DOCK3: variants seen among roughly 807,000 people sequenced by gnomAD.
DOCK3 encodes dedicator of cytokinesis 3, also known as dedicator of cytokinesis protein 3.
In DOCK3, 60 loss-of-function variants were observed where a neutral mutation model predicts 265.6. That is an observed-to-expected ratio of 0.23 (90% confidence interval 0.18 to 0.28). The LOEUF (loss-of-function observed/expected upper bound fraction) is 0.28, where lower values mean the gene tolerates loss of function less well. DOCK3 is among the 10% of genes least tolerant of loss of function. The pLI, the probability that DOCK3 is intolerant of heterozygous loss-of-function variation, is 1.00. For missense variants in DOCK3, 1,981 were observed against 2,594.3 expected (o/e 0.76, Z 5.14); for synonymous variants, 881 against 938.0 (o/e 0.94, Z 1.11).
intron 22 of DOCK3, among the ~76,000 whole-genome samples, chr3:51,256,032 C>T (rs927096767): frequency 2.0e-5 from 3 of 152,158 alleles, no homozygotes; most frequent in Non-Finnish European, 4.4e-5. Context: ...ATGATGGTGA[C>T]ATACAGATGG....
At chr3:50,991,301 C>T (rs559191906) in intron 5 of DOCK3, among the ~76,000 whole-genome samples, 1 of 152,240 alleles carries the variant, frequency 6.6e-6, no homozygotes, top group East Asian at 1.9e-4. Flanking sequence ...GGCAGAGTGG[C>T]AAGCTGGATA....
At chr3:51,355,377 G>C (rs1239772478) in intron 41 of DOCK3, among the ~76,000 whole-genome samples, 1 of 152,120 alleles carries the variant, frequency 6.6e-6, no homozygotes, top group African/African-American at 2.4e-5. Context: ...GTCCTATCAG[G>C]GCTCTTGTCA....
chr3:51,349,746 C>A (rs1475190216), intron 39 of DOCK3, among the ~76,000 whole-genome samples: 2 of 152,198 alleles, frequency 1.3e-5, no homozygotes, highest in Non-Finnish European at 2.9e-5. Context: ...TTTAAAATAT[C>A]TTAACTTGGA....
At chr3:50,915,391 G>T (rs2050064431) in intron 4 of DOCK3, among the ~76,000 whole-genome samples, 1 of 152,048 alleles carries the variant, frequency 6.6e-6, no homozygotes, top group Admixed American at 6.5e-5. Flanking sequence ...CCTGGAGGGT[G>T]CAGGGAACAG....
At chr3:50,758,691 GC>G (rs2040346022) in intron 1 of DOCK3, among the ~76,000 whole-genome samples, 1 of 151,984 alleles carries the variant, frequency 6.6e-6, no homozygotes, top group South Asian at 2.1e-4. Flanking sequence ...CACTTTCCCA[GC>G]CCCCGGCAAC....
At chr3:50,998,692 G>C (rs2078367105) in intron 5 of DOCK3, among the ~76,000 whole-genome samples, 1 of 152,072 alleles carries the variant, frequency 6.6e-6, no homozygotes, top group Admixed American at 6.5e-5. Flanking sequence ...AATTTCCATG[G>C]AAAATGTCCA....
intron 3 of DOCK3, among the ~76,000 whole-genome samples, chr3:50,874,146 T>A (rs1240009813): frequency 6.6e-6 from 1 of 151,288 alleles, no homozygotes; most frequent in Non-Finnish European, 1.5e-5. Flanking sequence ...TTGCTCCATC[T>A]TTTTCTCCTG....
intron 4 of DOCK3, among the ~76,000 whole-genome samples, chr3:50,919,548 CTCTG>C (rs1175202965): frequency 2.0e-5 from 3 of 151,884 alleles, no homozygotes; most frequent in Non-Finnish European, 2.9e-5. Flanking sequence ...TGATTTGGCT[CTCTG>C]TCTGTTACTG....
chr3:51,316,051 T>G (rs2083345394), intron 32 of DOCK3, among the ~76,000 whole-genome samples: 1 of 152,248 alleles, frequency 6.6e-6, no homozygotes, highest in African/African-American at 2.4e-5. Flanking sequence ...GATTTACAGT[T>G]CTATGTGTTT....
chr3:51,281,226 T>G (rs2081092066), intron 27 of DOCK3, among the ~76,000 whole-genome samples: 1 of 149,676 alleles, frequency 6.7e-6, no homozygotes, highest in Non-Finnish European at 1.5e-5. Context: ...AGAATTGTCT[T>G]GGGCCACACA....
chr3:50,942,715 T>C (rs1575583848), intron 5 of DOCK3, among the ~76,000 whole-genome samples: 1 of 151,510 alleles, frequency 6.6e-6, no homozygotes, highest in South Asian at 2.1e-4. Context: ...TTACTGTGAA[T>C]GTGAATATTA....
chr3:51,072,711 A>G (rs868559471), intron 6 of DOCK3, among the ~76,000 whole-genome samples: 27 of 151,850 alleles, frequency 1.8e-4, no homozygotes, highest in South Asian at 2.1e-4. Flanking sequence ...CTCAGCTGAA[A>G]ACATTTTTGT....
intron 1 of DOCK3, among the ~76,000 whole-genome samples, chr3:50,751,521 A>G (rs1011491666): frequency 3.3e-5 from 5 of 152,200 alleles, no homozygotes; most frequent in African/African-American, 9.7e-5. Context: ...TTGTTGTGCA[A>G]TGAATGCATA....
intron 5 of DOCK3, among the ~76,000 whole-genome samples, chr3:51,054,121 TAAAAA>T (rs35733959): frequency 1.2e-5 from 1 of 85,010 alleles, no homozygotes; most frequent in Non-Finnish European, 2.3e-5. Flanking sequence ...CGTAGCTTCC[TAAAAA>T]AAAAAAAAAA....
intron 9 of DOCK3, among the ~76,000 whole-genome samples, chr3:51,127,425 T>G (rs2084318059): frequency 6.6e-6 from 1 of 152,164 alleles, no homozygotes; most frequent in African/African-American, 2.4e-5. Flanking sequence ...AAGACAATAA[T>G]AAGGTCATAA....
At chr3:51,192,531 G>A (rs1286771003) in intron 12 of DOCK3, among the ~76,000 whole-genome samples, 3 of 151,974 alleles carry the variant, frequency 2.0e-5, no homozygotes, top group Non-Finnish European at 2.9e-5. Context: ...AAAAAAGTAG[G>A]AGCAGCAGAG....
intron 27 of DOCK3, 92 bp downstream of exon 27, chr3:51,280,296 G>T (rs2081044479): frequency 1.7e-6 from 2 of 1,154,890 alleles, no homozygotes; most frequent in South Asian, 1.5e-5. Flanking sequence ...GAATGCAAGT[G>T]ACTAGCATTG....
chr3:51,339,505 C>T (rs1218416013), intron 37 of DOCK3, among the ~76,000 whole-genome samples: 1 of 152,244 alleles, frequency 6.6e-6, no homozygotes, highest in Non-Finnish European at 1.5e-5. Context: ...CCTGCAACTG[C>T]ATAGCAGCCT....
intron 9 of DOCK3, among the ~76,000 whole-genome samples, chr3:51,127,455 A>G (rs946750437): frequency 1.3e-5 from 2 of 152,222 alleles, no homozygotes; most frequent in African/African-American, 2.4e-5. Flanking sequence ...ACATAATACA[A>G]CTATCCTTCA....
Sources: allele counts gnomAD v4.1 joint callset (sites outside exome capture counted in the v4.1 genomes callset), GRCh38; gene constraint gnomAD v4.1.1; transcripts MANE v1.5; gene names NCBI Gene and HGNC (gene_info 2026-07-23, HGNC 2026-07-21).